Variants in WWOX observed in about 807,000 individuals in gnomAD.
The protein encoded by WWOX is WW domain containing oxidoreductase.
A neutral mutation model predicts 46.2 loss-of-function variants in WWOX; 69 were observed. That is an observed-to-expected ratio of 1.49 (90% CI 1.23 to 1.82). WWOX has a LOEUF of 1.82. Ranked by LOEUF, WWOX falls within the 40% of genes most tolerant of loss-of-function variation. The pLI is 0.00. For synonymous variants in WWOX, 359 were observed against 202.6 expected (o/e 1.77, Z -6.56); for missense variants, 919 against 542.6 (o/e 1.69, Z -6.89).
chr16:78,423,179 C>A (rs932308111), intron 6 of WWOX, among the ~76,000 whole-genome samples: 1 of 152,166 alleles, frequency 6.6e-6, no homozygotes, highest in Non-Finnish European at 1.5e-5. Context: ...GCCGCCATGC[C>A]TGCCCTTATT....
intron 6 of WWOX, among the ~76,000 whole-genome samples, chr16:78,408,112 C>CA (rs1385698946): frequency 6.6e-6 from 1 of 152,130 alleles, no homozygotes; most frequent in Non-Finnish European, 1.5e-5. Context: ...ACCCCACTTC[C>CA]AAGTTGAAGA....
intron 8 of WWOX, among the ~76,000 whole-genome samples, chr16:78,851,425 GTAAGT>G (rs2052440331): frequency 6.6e-6 from 1 of 152,212 alleles, no homozygotes; most frequent in Admixed American, 6.5e-5. Context: ...AAGTGACATT[GTAAGT>G]TATTTAATTG....
At chr16:78,168,619 A>G (rs1198839675) in intron 5 of WWOX, 1 of 151,946 alleles carries the variant, frequency 6.6e-6, no homozygotes, top group Non-Finnish European at 1.5e-5. Context: ...TTTAGTATCA[A>G]TGTTCATACT....
At chr16:78,897,240 T>TTAA (rs1300621739) in intron 8 of WWOX, 2 of 53,724 alleles carry the variant, frequency 3.7e-5, no homozygotes, top group Non-Finnish European at 2.9e-5. Context: ...AGACTGTCTT[T>TTAA]AAAAAAAAAA....
At chr16:78,349,178 G>T (rs28475389) in intron 5 of WWOX, among the ~76,000 whole-genome samples, 2 of 119,844 alleles carry the variant, frequency 1.7e-5, no homozygotes, top group African/African-American at 5.7e-5. Flanking sequence ...TGACCTAGCC[G>T]CTGTGTGCAC....
rs752273047 is a variant in WWOX at position 78,432,725 on chromosome 16, C to G, written c.1029C>G (p.Thr343=). The G allele has an allele frequency of 4.1e-5, 66 of 1,614,046 alleles. 1 individual carries two copies. The highest frequency in any genetic ancestry group is 6.7e-5 in the African/African-American group (5 of 74,898). The part of the protein sequence containing the change: ...RSWWVYTLLF[T]LARPFTKSMQ... ...GGTGGGTGTACACACTGCTGTTTAC[C>G]TTGGCGAGGCCTTTCACCAAGTCCA... The change falls in exon 8 of 9, where the codon ACC becomes ACG. Residue 343 remains threonine (T), a synonymous_variant. Coordinates refer to ENST00000566780, the MANE Select transcript of WWOX (RefSeq NM_016373.4).
intron 8 of WWOX, among the ~76,000 whole-genome samples, chr16:79,091,948 T>G (rs946287089): frequency 6.6e-6 from 1 of 151,802 alleles, no homozygotes; most frequent in African/African-American, 2.4e-5. Flanking sequence ...GCCCAGCTAA[T>G]TTTTGTATTT....
chr16:78,290,524 T>G (rs1444212108), intron 5 of WWOX, among the ~76,000 whole-genome samples: 2 of 152,168 alleles, frequency 1.3e-5, no homozygotes, highest in African/African-American at 2.4e-5. Context: ...CAGAAGGGTC[T>G]GCAAGGGACC....
At chr16:78,598,834 C>A (rs553159807) in intron 8 of WWOX, among the ~76,000 whole-genome samples, 1 of 152,134 alleles carries the variant, frequency 6.6e-6, no homozygotes, top group African/African-American at 2.4e-5. Context: ...TCATTGTCCC[C>A]TTCATACAAA....
chr16:78,420,600 G>T (rs1361763473), intron 6 of WWOX, among the ~76,000 whole-genome samples: 2 of 151,142 alleles, frequency 1.3e-5, no homozygotes, highest in African/African-American at 2.4e-5. Context: ...TACACTGATG[G>T]TGTTTTGGGA....
At chr16:78,262,939 A>T (rs1358442542) in intron 5 of WWOX, among the ~76,000 whole-genome samples, 1 of 152,186 alleles carries the variant, frequency 6.6e-6, no homozygotes, top group African/African-American at 2.4e-5. Flanking sequence ...ATCAAACAAC[A>T]AGGAGAGACA....
At chr16:78,975,815 G>C (rs1389174193) in intron 8 of WWOX, among the ~76,000 whole-genome samples, 1 of 152,102 alleles carries the variant, frequency 6.6e-6, no homozygotes, top group African/African-American at 2.4e-5. Flanking sequence ...TGGAGGGTGG[G>C]AGGAAACAGG....
chr16:78,199,850 G>C (rs111327247), intron 5 of WWOX, among the ~76,000 whole-genome samples: 2 of 152,102 alleles, frequency 1.3e-5, no homozygotes, highest in African/African-American at 4.8e-5. Flanking sequence ...AGATTTCACT[G>C]TCAATGAGTC....
At chr16:78,482,715 G>A (rs1045706308) in intron 8 of WWOX, among the ~76,000 whole-genome samples, 4 of 152,262 alleles carry the variant, frequency 2.6e-5, no homozygotes, top group Admixed American at 2.6e-4. Flanking sequence ...TTAAAAAGCT[G>A]GTAAGTGGCA....
intron 8 of WWOX, among the ~76,000 whole-genome samples, chr16:78,434,906 AG>A (rs1221804828): frequency 6.6e-6 from 1 of 152,222 alleles, no homozygotes; most frequent in Non-Finnish European, 1.5e-5. Flanking sequence ...TGGGAAAAGA[AG>A]GAAGGCAAGT....
At chr16:78,175,411 G>T (rs772541801) in intron 5 of WWOX, among the ~76,000 whole-genome samples, 4 of 152,164 alleles carry the variant, frequency 2.6e-5, no homozygotes, top group Non-Finnish European at 5.9e-5. Context: ...TGGAATATGG[G>T]CTGTACTTAG....
chr16:79,087,726 T>C (rs1391221461), intron 8 of WWOX, among the ~76,000 whole-genome samples: 1 of 152,222 alleles, frequency 6.6e-6, no homozygotes, highest in African/African-American at 2.4e-5. Context: ...TTATTGGTAC[T>C]TGCAACACTT....
At chr16:78,867,688 C>CT (rs2044035911) in intron 8 of WWOX, among the ~76,000 whole-genome samples, 1 of 151,996 alleles carries the variant, frequency 6.6e-6, no homozygotes, top group Admixed American at 6.6e-5. Context: ...TTTCAGGTGC[C>CT]TGCCACCATG....
chr16:78,099,954 G>C, intron 1 of WWOX, 69 bp downstream of exon 1: 6 of 1,530,172 alleles, frequency 3.9e-6, no homozygotes, highest in East Asian at 2.6e-5. Flanking sequence ...CCACCTGCGC[G>C]GGGAGGACGC....
Sources: gnomAD v4.1 joint callset for allele counts (sites outside exome capture counted in the v4.1 genomes callset) on GRCh38, gnomAD v4.1.1 for gene constraint, MANE v1.5 for transcripts, NCBI Gene and HGNC (gene_info 2026-07-23, HGNC 2026-07-21) for gene names.